The following TRIP11 variants were observed in gnomAD, a reference collection of about 807,000 sequenced individuals.
The protein encoded by TRIP11 is thyroid hormone receptor interactor 11.
TRIP11 carries 148 observed loss-of-function variants against 223.1 expected under a neutral mutation model. That is an observed-to-expected ratio of 0.66 (90% CI 0.58 to 0.76). The LOEUF (loss-of-function observed/expected upper bound fraction) is 0.76, where lower values mean the gene tolerates loss of function less well. Ranked by LOEUF, TRIP11 falls within the 30% of genes least tolerant of loss-of-function variation. The probability of loss-of-function intolerance (pLI) is 0.00; values close to 1 mark genes in which losing one functional copy is unlikely to be tolerated. For synonymous variants in TRIP11, 762 were observed against 772.6 expected (o/e 0.99, Z 0.23); for missense variants, 2,043 against 2,222.0 (o/e 0.92, Z 1.62).
At chr14:91,988,586 T>C (rs1286846964) in intron 15 of TRIP11, among the ~76,000 whole-genome samples, 2 of 90,176 alleles carry the variant, frequency 2.2e-5, no homozygotes, top group Non-Finnish European at 4.6e-5. Context: ...TTAGAGGAAC[T>C]AAATAAAAAG....
intron 10 of TRIP11, among the ~76,000 whole-genome samples, chr14:92,006,683 G>C (rs561420943): frequency 1.3e-5 from 2 of 152,014 alleles, no homozygotes; most frequent in South Asian, 4.2e-4. Flanking sequence ...TGTTGCCCAG[G>C]CTGGAGTGCA....
At chr14:92,019,594 T>C (rs916125455) in intron 4 of TRIP11, among the ~76,000 whole-genome samples, 3 of 152,354 alleles carry the variant, frequency 2.0e-5, no homozygotes, top group African/African-American at 7.2e-5. Flanking sequence ...CAAAAAATAA[T>C]CTCTTTACTC....
intron 16 of TRIP11, among the ~76,000 whole-genome samples, chr14:91,986,633 T>C (rs78326885): frequency 3.9e-3 from 593 of 152,354 alleles, no homozygotes; most frequent in Non-Finnish European, 6.7e-3. Context: ...TTAGATATTA[T>C]AGTAGCATAA....
intron 7 of TRIP11, among the ~76,000 whole-genome samples, chr14:92,013,282 A>C (rs562345887): frequency 2.0e-4 from 30 of 152,314 alleles, no homozygotes; most frequent in African/African-American, 4.6e-4. Flanking sequence ...AACAAACAAA[A>C]AAAAAGCTAA....
chr14:92,004,706 T>C lies in TRIP11; in HGVS notation c.3270A>G (p.Gln1090=), dbSNP rs1240217750. 2.5e-6 allele frequency: 4 copies of C among 1,614,156 alleles called. No individual in the cohort carries two copies. The Admixed American group carries it at 6.7e-5, about 27-fold the overall frequency. ...HTQDVVYLQQ[Q]LQAYAMEREK... is the part of the protein sequence containing the mutation. ...CTCTTTCCATAGCATAAGCCTGCAGTTGCTGTTGAAGGTAAACAACATCTT... is the reference window on the plus strand; with the variant it reads ...CTCTTTCCATAGCATAAGCCTGCAGCTGCTGTTGAAGGTAAACAACATCTT... The change falls in exon 11 of 21, where the codon CAA becomes CAG. Residue 1090 remains glutamine, a synonymous_variant. Transcript: ENST00000267622.
At chr14:91,991,487 G>A (rs944640984) in intron 15 of TRIP11, among the ~76,000 whole-genome samples, 3 of 152,146 alleles carry the variant, frequency 2.0e-5, no homozygotes, top group African/African-American at 7.2e-5. Flanking sequence ...CAAGGATGTA[G>A]AACAAGAAGT....
At position 92,006,072 on chromosome 14, in the gene TRIP11, G is replaced by T; in HGVS notation, c.1904C>A (p.Ser635Tyr). 1 of 1,585,996 alleles carries T rather than the reference G, an allele frequency of 6.3e-7. No individual in the cohort carries two copies. Among genetic ancestry groups the T allele is most frequent in the East Asian group, 2.2e-5 (1 of 44,642 alleles). Residue 635 changes from serine (S) to tyrosine (Y), a missense_variant, in exon 11 of 21, where the codon TCT (serine) becomes TAT (tyrosine). Ser to Tyr is a moderately radical substitution (Grantham distance 144). Transcript: ENST00000267622. ...TAAGGTATCCTTAAAATTACTATTA[G>T]AGTCTTGATTTAGAGACTGCATTAA... ...NELMQSLNQD[S>Y]NSNFKDTLLK...
chr14:92,013,323 ATCC>A (rs1204879876), intron 7 of TRIP11, among the ~76,000 whole-genome samples: 4 of 152,332 alleles, frequency 2.6e-5, no homozygotes, highest in African/African-American at 9.6e-5. Context: ...GCTAGACACT[ATCC>A]TAAAGAGCGG....
At chr14:91,980,938 C>T (rs1289564267) in intron 16 of TRIP11, among the ~76,000 whole-genome samples, 1 of 142,976 alleles carries the variant, frequency 7.0e-6, no homozygotes, top group East Asian at 2.0e-4. Context: ...TTTTTTATTA[C>T]AGAATTTCAA....
At position 92,011,011 on chromosome 14, in the gene TRIP11, T is replaced by C. The variant is rs142579179; in HGVS notation, c.1289A>G (p.Glu430Gly). ...CTTTTCTTGACTCAGTAATGACTTC[T>C]CTTTTTCTAAAACTTCGATACGCAT... ...LKMRIEVLEK[E>G]KSLLSQEKEE... The change falls in exon 9 of 21, where the codon GAG becomes GGG. Residue 430 changes from glutamate to glycine, a missense_variant. Coordinates refer to ENST00000267622, the MANE Select transcript of TRIP11 (RefSeq NM_004239.4). 395 of 1,614,058 alleles carry C rather than the reference T, an allele frequency of 2.4e-4. 1 individual carries two copies. Among genetic ancestry groups the C allele is most frequent in the Non-Finnish European group, 3.2e-4 (383 of 1,179,978 alleles).
At chr14:92,010,174 C>A (rs1041221658) in intron 9 of TRIP11, among the ~76,000 whole-genome samples, 3 of 152,174 alleles carry the variant, frequency 2.0e-5, no homozygotes, top group Non-Finnish European at 4.4e-5. Context: ...TCCTTCCTTG[C>A]TATGAATACA....
At chr14:91,998,530 T>C (rs2056779074) in intron 13 of TRIP11, among the ~76,000 whole-genome samples, 1 of 152,088 alleles carries the variant, frequency 6.6e-6, no homozygotes, top group African/African-American at 2.4e-5. Context: ...CAAAACAGTA[T>C]GAATATTATA....
In TRIP11 at chr14:92,003,585, TCTC is replaced by T; in HGVS notation, c.4388_4390del (p.Gly1463del). 6.2e-7 allele frequency: 1 copy of T among 1,614,192 alleles called. No individual in the cohort carries two copies. Among genetic ancestry groups the T allele is most frequent in the Non-Finnish European group, 8.5e-7 (1 of 1,180,030 alleles). On this transcript the variant is annotated inframe_deletion, in exon 11 of 21. Coordinates refer to ENST00000267622, the MANE Select transcript of TRIP11 (RefSeq NM_004239.4). ...GTATGTTTCCACTATTTTTTCATTT[TCTC>T]CTTTTAGTTTGCCAATGTCCATCTC...
chr14:92,027,914 T>C (rs1473755539), intron 2 of TRIP11, among the ~76,000 whole-genome samples: 1 of 152,226 alleles, frequency 6.6e-6, no homozygotes, highest in Non-Finnish European at 1.5e-5. Context: ...CCACAAATCC[T>C]AGTTTGGGAC....
In TRIP11 at chr14:91,966,779, A is replaced by C. The variant is rs2056345457; in HGVS notation, c.*2894T>G. 4.7e-6 allele frequency: 1 copy of C among 214,816 alleles called. No homozygotes were observed. Among genetic ancestry groups the C allele is most frequent in the African/African-American group, 2.3e-5 (1 of 44,274 alleles). 13.3% of individuals were successfully genotyped at this position (214,816 alleles called of 1,614,324 possible). Reference sequence around the variant, plus strand: ...AAAATTAAATTCAGTAGTTAGATGAATTTTCTACTACAGTATAGAGGTTGA... The same window carrying C: ...AAAATTAAATTCAGTAGTTAGATGACTTTTCTACTACAGTATAGAGGTTGA... On this transcript the variant is annotated 3_prime_UTR_variant, in exon 21 of 21. Transcript: ENST00000267622.
Position 91,966,651 on chromosome 14 carries a change from A to T in TRIP11, c.*3022T>A, listed in dbSNP as rs1324981481. ...CGTTTTAATTGACTAGTTGGAAAGA[A>T]GCCATTCTTTTCCTAGGGTTTTGTT... On this transcript the variant is annotated 3_prime_UTR_variant, in exon 21 of 21. Transcript: ENST00000267622. 4 of 215,926 alleles carry T rather than the reference A, an allele frequency of 1.9e-5. No homozygotes were observed. The East Asian group carries it at 2.1e-4, about 11-fold the overall frequency. 13.4% of individuals were successfully genotyped at this position (215,926 alleles called of 1,614,324 possible).
chr14:92,009,889 C>T (rs1249181795), intron 9 of TRIP11, among the ~76,000 whole-genome samples: 1 of 152,226 alleles, frequency 6.6e-6, no homozygotes, highest in Non-Finnish European at 1.5e-5. Context: ...GTAACAGAGA[C>T]TGCCTCTGGG....
intron 11 of TRIP11, among the ~76,000 whole-genome samples, chr14:92,002,599 C>CA (rs1411704721): frequency 5.4e-5 from 8 of 149,220 alleles, no homozygotes; most frequent in Admixed American, 2.0e-4. Flanking sequence ...TTTATTGAGA[C>CA]AGAGTCTTGT....
intron 5 of TRIP11, among the ~76,000 whole-genome samples, chr14:92,016,794 T>A (rs551954447): frequency 1.3e-5 from 2 of 152,306 alleles, no homozygotes; most frequent in African/African-American, 4.8e-5. Context: ...TAGCATAGCA[T>A]GTAAATAATA....
Sources: gnomAD v4.1 joint callset for allele counts (sites outside exome capture counted in the v4.1 genomes callset) on GRCh38, gnomAD v4.1.1 for gene constraint, MANE v1.5 for transcripts, NCBI Gene and HGNC (gene_info 2026-07-23, HGNC 2026-07-21) for gene names.